The following HPGD variants were observed in gnomAD, a reference collection of about 807,000 sequenced individuals.
HPGD encodes 15-hydroxyprostaglandin dehydrogenase [NAD(+)].
HPGD carries 29 observed loss-of-function variants against 30.0 expected under a neutral mutation model. That is an observed-to-expected ratio of 0.97 (90% CI 0.72 to 1.32). HPGD has a LOEUF of 1.32. Ranked by LOEUF, HPGD falls within the 40% of genes most tolerant of loss-of-function variation. HPGD has a pLI of 0.00. For missense variants in HPGD, 340 were observed against 322.1 expected (o/e 1.06, Z -0.43); for synonymous variants, 99 against 112.4 (o/e 0.88, Z 0.75).
chr4:174,519,218 A>ATTTTT, intron 2 of HPGD, among the ~76,000 whole-genome samples: 1 of 146,284 alleles, frequency 6.8e-6, no homozygotes, highest in African/African-American at 2.5e-5. Flanking sequence ...TTTTTCATGG[A>ATTTTT]TTTTTTTTTT....
At chr4:174,495,802 T>A in intron 4 of HPGD, 178 bp from the exon 5 acceptor site, 1 of 638,954 alleles carries the variant, frequency 1.6e-6, no homozygotes, top group South Asian at 1.8e-5. Flanking sequence ...GTAGTTTATT[T>A]GCTCCATGAC....
At chr4:174,512,154 A>G (rs1355225611) in intron 3 of HPGD, among the ~76,000 whole-genome samples, 1 of 152,212 alleles carries the variant, frequency 6.6e-6, no homozygotes, top group Non-Finnish European at 1.5e-5. Flanking sequence ...CGTTTGGAAG[A>G]ACTAATGTAT....
chr4:174,501,886 T>TA (rs1431604051), intron 4 of HPGD, among the ~76,000 whole-genome samples: 1 of 152,172 alleles, frequency 6.6e-6, no homozygotes, highest in Non-Finnish European at 1.5e-5. Context: ...TCACAGAAGG[T>TA]AAAAAAGCTC....
intron 4 of HPGD, among the ~76,000 whole-genome samples, chr4:174,504,866 G>A (rs981357055): frequency 6.6e-6 from 1 of 152,020 alleles, no homozygotes; most frequent in African/African-American, 2.4e-5. Context: ...GAGTGCATTT[G>A]ACTCATGAGA....
chr4:174,522,436 T>C lies in HPGD; in HGVS notation c.16A>G (p.Lys6Glu), dbSNP rs1255586593. Reference protein sequence around the residue: MHVNGKVALVTGAAQG... With the variant: MHVNGEVALVTGAAQG... ...GCCGCGCCGGTCACCAGCGCCACTT[T>C]GCCGTTCACGTGCATGGTGCAGCCA... Residue 6 changes from lysine (K) to glutamate (E), a missense_variant, in exon 1 of 7, where the codon AAA becomes GAA. Physicochemically the swap from Lys to Glu is moderately conservative, Grantham distance 56. Transcript: ENST00000296522. 1.3e-6 allele frequency: 2 copies of C among 1,581,934 alleles called. No homozygotes were observed. Among genetic ancestry groups the C allele is most frequent in the Non-Finnish European group, 1.7e-6 (2 of 1,164,894 alleles).
At chr4:174,503,189 G>A (rs748012305) in intron 4 of HPGD, among the ~76,000 whole-genome samples, 3 of 152,050 alleles carry the variant, frequency 2.0e-5, no homozygotes, top group Non-Finnish European at 4.4e-5. Flanking sequence ...AGAGCAAAAT[G>A]GACTCTGCAG....
upstream of HPGD, chr4:174,522,494 C>T (rs770044314): frequency 6.8e-7 from 1 of 1,464,514 alleles, no homozygotes; most frequent in Non-Finnish European, 9.1e-7. Flanking sequence ...AGCTCCGCGT[C>T]TCCGCGCGGC....
chr4:174,516,930 A>C (rs1735805588), intron 3 of HPGD, among the ~76,000 whole-genome samples: 1 of 152,198 alleles, frequency 6.6e-6, no homozygotes, highest in Non-Finnish European at 1.5e-5. Flanking sequence ...AGAAAAACAC[A>C]ACCCAGTTCT....
chr4:174,512,251 C>G (rs553072426), intron 3 of HPGD, among the ~76,000 whole-genome samples: 1 of 152,232 alleles, frequency 6.6e-6, no homozygotes, highest in Non-Finnish European at 1.5e-5. Context: ...GACCCAGTAA[C>G]TATTAACTAA....
chr4:174,513,068 C>T (rs1414876360), intron 3 of HPGD, among the ~76,000 whole-genome samples: 1 of 152,178 alleles, frequency 6.6e-6, no homozygotes, highest in African/African-American at 2.4e-5. Flanking sequence ...TCATTGCACA[C>T]TGTTTCTGAC....
chr4:174,495,500 A>G, intron 5 of HPGD, 48 bp downstream of exon 5: 2 of 1,357,766 alleles, frequency 1.5e-6, no homozygotes, highest in Admixed American at 3.4e-5. Flanking sequence ...CATGTTTTAT[A>G]AATGTGTACA....
intron 4 of HPGD, among the ~76,000 whole-genome samples, chr4:174,500,698 T>C (rs1413978088): frequency 6.6e-6 from 1 of 152,152 alleles, no homozygotes; most frequent in Admixed American, 6.5e-5. Context: ...GGCAAAACTA[T>C]GGAGACAGTT....
At chr4:174,517,894 T>C in intron 3 of HPGD, 77 bp downstream of exon 3, 1 of 794,848 alleles carries the variant, frequency 1.3e-6, no homozygotes, top group Non-Finnish European at 2.1e-6. Flanking sequence ...TTTCCATGAC[T>C]CCAAGAACCT....
At chr4:174,513,494 C>A (rs1000056805) in intron 3 of HPGD, among the ~76,000 whole-genome samples, 1 of 149,290 alleles carries the variant, frequency 6.7e-6, no homozygotes, top group Non-Finnish European at 1.5e-5. Context: ...AAAATTAAAG[C>A]TATATAATGC....
intron 5 of HPGD, among the ~76,000 whole-genome samples, chr4:174,495,210 G>T (rs1435793157): frequency 6.6e-6 from 1 of 151,852 alleles, no homozygotes; most frequent in Non-Finnish European, 1.5e-5. Context: ...GACAAATAAT[G>T]GCTGGGGCCT....
rs1029778569 is a variant in HPGD at position 174,507,996 on chromosome 4, A to G, written c.421+700T>C. ...AGCTCAAGTTCTATACTGAAATGTG[A>G]GCAGAAGGTCTGCCATTACTGGGCT... On this transcript the variant is annotated intron_variant, in intron 4 of 6. Transcript: ENST00000296522. 7.9e-5 allele frequency: 49 copies of G among 622,614 alleles called. No homozygotes were observed. The African/African-American group carries it at 8.7e-4, about 11-fold the overall frequency. 38.6% of individuals were successfully genotyped at this position (622,614 alleles called of 1,614,324 possible).
chr4:174,500,105 C>T (rs529816795), intron 4 of HPGD, among the ~76,000 whole-genome samples: 3 of 152,212 alleles, frequency 2.0e-5, no homozygotes, highest in South Asian at 4.1e-4. Context: ...ATAGTGGGTG[C>T]TCAGCCTGGG....
rs544413374 is a variant in HPGD at position 174,511,766 on chromosome 4, C to T, written c.325-2974G>A. Among the ~76,000 whole-genome samples the T allele has an allele frequency of 1.6e-3, 237 of 152,330 alleles. 12 individuals carry two copies. In the South Asian group the frequency reaches 0.048, roughly 31 times the overall value. On this transcript the variant is annotated intron_variant, in intron 3 of 6. Coordinates refer to ENST00000296522, the MANE Select transcript of HPGD (RefSeq NM_000860.6). ...GGTTCACGCCATTCGCCTGCCTCAG[C>T]CTCCTGAATAACTGGGACTACAGGC... is the stretch of plus-strand genomic sequence containing the variant.
intron 5 of HPGD, 74 bp downstream of exon 5, chr4:174,495,474 T>C (rs1286927890): frequency 4.5e-6 from 5 of 1,113,376 alleles, no homozygotes; most frequent in Non-Finnish European, 6.9e-6. Context: ...CTCAAGTGAT[T>C]CCTCTCTACA....
Sources: gnomAD v4.1 joint callset for allele counts (sites outside exome capture counted in the v4.1 genomes callset) on GRCh38, gnomAD v4.1.1 for gene constraint, MANE v1.5 for transcripts, NCBI Gene and HGNC (gene_info 2026-07-23, HGNC 2026-07-21) for gene names.